Variants in RTL4 observed in about 807,000 individuals in gnomAD.
RTL4 encodes the protein retrotransposon Gag-like protein 4.
Under a neutral mutation model 5.3 loss-of-function variants are expected in RTL4, and 4 were observed. The ratio of observed to expected loss-of-function variants is 0.75; its 90% CI spans 0.37 to 1.72. The LOEUF (loss-of-function observed/expected upper bound fraction) is 1.72. Ranked by LOEUF, RTL4 falls within the 40% of genes most tolerant of loss-of-function variation. RTL4 has a pLI of 0.04. For synonymous variants in RTL4, 98 were observed against 87.3 expected (o/e 1.12, Z -0.68); for missense variants, 260 against 227.1 (o/e 1.14, Z -0.93).
At chrX:112,297,197 C>T in the RTL4 span, among the ~76,000 whole-genome samples, 27 of 111,130 alleles carry the variant, frequency 2.4e-4, no homozygotes, top group African/African-American at 7.9e-4. Context: ...AATCCCTTAT[C>T]GTGGGAGCAA....
chrX:112,405,730 T>C, the RTL4 span, among the ~76,000 whole-genome samples: 1 of 15,927 alleles, frequency 6.3e-5, no homozygotes, highest in Admixed American at 1.1e-3. Context: ...ATTTAACAGC[T>C]ATCTACACAA....
the RTL4 span, among the ~76,000 whole-genome samples, chrX:112,360,668 T>C: frequency 3.1e-3 from 341 of 111,196 alleles, 1 homozygote; most frequent in African/African-American, 0.011. Flanking sequence ...TGTTTGATTC[T>C]TTTTTGAAAA....
chrX:112,241,782 C>A, the RTL4 span, among the ~76,000 whole-genome samples: 2 of 111,822 alleles, frequency 1.8e-5, no homozygotes, highest in East Asian at 5.6e-4. Context: ...TGCCTATGTC[C>A]TGAATGGTAT....
the RTL4 span, among the ~76,000 whole-genome samples, chrX:112,101,037 C>T: frequency 8.9e-6 from 1 of 112,006 alleles, no homozygotes; most frequent in African/African-American, 3.2e-5. Flanking sequence ...TGACTCTATA[C>T]ATATATCTAT....
At chrX:112,280,304 G>A in the RTL4 span, among the ~76,000 whole-genome samples, 1 of 110,961 alleles carries the variant, frequency 9.0e-6, no homozygotes, top group Admixed American at 9.6e-5. Context: ...TAGACACTGG[G>A]AACTACTGGA....
the RTL4 span, among the ~76,000 whole-genome samples, chrX:112,110,811 T>C: frequency 1.8e-5 from 2 of 112,063 alleles, no homozygotes; most frequent in African/African-American, 6.5e-5. Context: ...TGAATACCCA[T>C]TGTGTCTTTT....
chrX:112,166,784 A>G, the RTL4 span, among the ~76,000 whole-genome samples: 1 of 112,179 alleles, frequency 8.9e-6, no homozygotes, highest in Non-Finnish European at 1.9e-5. Flanking sequence ...AAGGAATAAC[A>G]AAAGTACGCA....
the RTL4 span, among the ~76,000 whole-genome samples, chrX:112,172,389 CAT>C: frequency 9.0e-6 from 1 of 111,043 alleles, no homozygotes; most frequent in Non-Finnish European, 1.9e-5. Flanking sequence ...AGCCAGCAAA[CAT>C]ATGAAAAAAA....
chrX:112,209,474 G>A, the RTL4 span, among the ~76,000 whole-genome samples: 4 of 111,784 alleles, frequency 3.6e-5, no homozygotes, highest in Non-Finnish European at 7.5e-5. Context: ...GTCCACTTTC[G>A]GGTGGACCCT....
the RTL4 span, among the ~76,000 whole-genome samples, chrX:112,437,827 TGGTGGTGGTGGTGGTGGTGGTGG>T: frequency 1.8e-5 from 1 of 54,677 alleles, no homozygotes; most frequent in African/African-American, 6.8e-5. Context: ...GTGGTGGTGG[TGGTGGTGGTGGTGGTGGTGGTGG>T]TGGTGGTAGA....
chrX:112,115,656 G>A, the RTL4 span, among the ~76,000 whole-genome samples: 1 of 111,726 alleles, frequency 9.0e-6, no homozygotes, highest in Non-Finnish European at 1.9e-5. Context: ...CCCCCGACAG[G>A]GCTTTGGGCA....
the RTL4 span, among the ~76,000 whole-genome samples, chrX:112,374,572 G>A: frequency 2.7e-5 from 3 of 111,913 alleles, no homozygotes; most frequent in African/African-American, 6.5e-5. Flanking sequence ...GATCCATTTA[G>A]GAATGATTGA....
At chrX:112,262,959 C>A in the RTL4 span, among the ~76,000 whole-genome samples, 1 of 102,517 alleles carries the variant, frequency 9.8e-6, no homozygotes, top group African/African-American at 3.6e-5. Context: ...CACCAAACAC[C>A]AAATATTTGG....
chrX:112,171,147 C>G, the RTL4 span, among the ~76,000 whole-genome samples: 65 of 111,978 alleles, frequency 5.8e-4, no homozygotes, highest in Non-Finnish European at 8.1e-4. Flanking sequence ...ATTTGGTTTG[C>G]CAGTATTTTA....
chrX:112,375,274 G>A, the RTL4 span, among the ~76,000 whole-genome samples: 1 of 111,220 alleles, frequency 9.0e-6, no homozygotes. Flanking sequence ...TCATGACCCA[G>A]TTGAGGCGGG....
chrX:112,125,356 G>T, the RTL4 span, among the ~76,000 whole-genome samples: 5 of 111,342 alleles, frequency 4.5e-5, no homozygotes, highest in Non-Finnish European at 5.7e-5. Context: ...AAAGGAAAAA[G>T]AAAAAAGTAC....
chrX:112,172,015 A>T, the RTL4 span, among the ~76,000 whole-genome samples: 1 of 112,367 alleles, frequency 8.9e-6, no homozygotes, highest in Non-Finnish European at 1.9e-5. Context: ...AATTTACAAG[A>T]AAAAAACAAA....
the RTL4 span, among the ~76,000 whole-genome samples, chrX:112,145,030 A>G: frequency 9.1e-6 from 1 of 110,283 alleles, no homozygotes; most frequent in Non-Finnish European, 1.9e-5. Flanking sequence ...GCAATAAGCC[A>G]TTCATCATCA....
chrX:112,417,521 G>T, the RTL4 span, among the ~76,000 whole-genome samples: 1 of 111,589 alleles, frequency 9.0e-6, no homozygotes, highest in South Asian at 3.7e-4. Flanking sequence ...AAATTCAGTT[G>T]CTATCACCCA....
Sources: gnomAD v4.1 joint callset for allele counts (sites outside exome capture counted in the v4.1 genomes callset) on GRCh38, gnomAD v4.1.1 for gene constraint, MANE v1.5 for transcripts, NCBI Gene and HGNC (gene_info 2026-07-23, HGNC 2026-07-21) for gene names.